Variants in CLCC1 observed in about 807,000 individuals in gnomAD.
CLCC1 encodes the protein chloride channel CLIC like 1, also known as chloride channel CLIC-like protein 1.
CLCC1 carries 39 observed loss-of-function variants against 63.3 expected under a neutral mutation model. That is an observed-to-expected ratio of 0.62 (90% CI 0.48 to 0.81). The LOEUF (loss-of-function observed/expected upper bound fraction) is 0.81. Among genes scored for constraint, CLCC1 ranks in the 30% least tolerant of loss-of-function variants. CLCC1 has a pLI of 0.00. For missense variants in CLCC1, 549 were observed against 669.4 expected, an observed-to-expected ratio of 0.82 and a Z score of 1.98; for synonymous variants, 217 against 239.8, an observed-to-expected ratio of 0.90 and a Z score of 0.88.
chr1:108,952,685 A>G (rs1655365933), intron 2 of CLCC1, among the ~76,000 whole-genome samples: 1 of 151,976 alleles, frequency 6.6e-6, no homozygotes, highest in South Asian at 2.1e-4. Flanking sequence ...CTGTAATCCC[A>G]GCTACTCAGA....
At position 108,939,795 on chromosome 1, in the gene CLCC1, A is replaced by G. The variant is rs1653594488; in HGVS notation, c.895-13T>C. The G allele has an allele frequency of 1.9e-6, 3 of 1,611,570 alleles. No homozygotes were observed. The highest frequency in any genetic ancestry group is 1.1e-5 in the South Asian group (1 of 90,796). ...TAACTGCAAGTGCCTAAAACGAGAGAAAAGCAACTTAATTTTCTCCTCACA... is the reference window on the plus strand; with the variant it reads ...TAACTGCAAGTGCCTAAAACGAGAGGAAAGCAACTTAATTTTCTCCTCACA... On this transcript the variant is annotated splice_polypyrimidine_tract_variant and intron_variant, in intron 9 of 12. Coordinates refer to ENST00000369969, the MANE Select transcript of CLCC1 (RefSeq NM_001377458.1).
intron 2 of CLCC1, among the ~76,000 whole-genome samples, chr1:108,956,429 A>G (rs1020280059): frequency 3.3e-5 from 5 of 151,392 alleles, no homozygotes; most frequent in Admixed American, 2.6e-4. Context: ...TGGGAGGCTG[A>G]GGCAGGCGGA....
In CLCC1 at chr1:108,929,630, T is replaced by C; in HGVS notation, c.*2917A>G. The C allele has an allele frequency of 7.0e-7, 1 of 1,427,444 alleles. No individual in the cohort carries two copies. Among genetic ancestry groups the C allele is most frequent in the East Asian group, 2.3e-5 (1 of 43,966 alleles). 88.4% of individuals were successfully genotyped at this position (1,427,444 alleles called of 1,614,324 possible). ...TACAACTGCGTTTTCTTGTTGTGAC[T>C]GAGAGATTTAACATAGCTTGGTGCT... On this transcript the variant is annotated 3_prime_UTR_variant, in exon 13 of 13. Coordinates refer to ENST00000369969, the MANE Select transcript of CLCC1 (RefSeq NM_001377458.1).
Position 108,957,267 on chromosome 1 carries a change from T to C in CLCC1, c.-12+5042A>G, listed in dbSNP as rs1656039983. ...AATGATGACTGTATGTCTCAGCCTC[T>C]CTGTGAAGTATGGCCACGTAATAGT... On this transcript the variant is annotated intron_variant, in intron 2 of 12. Transcript: ENST00000369969. Among the ~76,000 whole-genome samples, 2 of 151,504 alleles carry C rather than the reference T, an allele frequency of 1.3e-5. 1 individual carries two copies. The highest frequency in any genetic ancestry group is 4.9e-5 in the African/African-American group (2 of 40,748).
intron 11 of CLCC1, among the ~76,000 whole-genome samples, chr1:108,935,969 C>A (rs189263): frequency 6.6e-6 from 1 of 151,788 alleles, no homozygotes; most frequent in African/African-American, 2.4e-5. Flanking sequence ...AAGGAGGCTT[C>A]CAGGCCATTG....
At chr1:108,941,613 T>C (rs1653850867) in intron 7 of CLCC1, 115 bp from the exon 8 acceptor site, 1 of 520,826 alleles carries the variant, frequency 1.9e-6, no homozygotes, top group South Asian at 4.3e-5. Flanking sequence ...ACCAGACTGT[T>C]ATAAATTTTT....
rs1291881502 is a variant in CLCC1, at chr1:108,931,648, T to A, written c.*899A>T. 20 of 891,620 alleles carry A rather than the reference T, an allele frequency of 2.2e-5. No individual in the cohort carries two copies. The highest frequency in any genetic ancestry group is 2.9e-5 in the Non-Finnish European group (18 of 621,976). The allele number at this position is 891,620 out of a possible 1,614,324, so 55.2% of individuals were successfully genotyped here. A position where few individuals can be genotyped will look rare whatever the true frequency, so the allele number is the denominator to read the frequency against. Reference sequence around the variant, plus strand: ...TCAGCTAAAAAAAAAAAAAAAGTTCTAAATTACAACCTGGATTACATTATG... The same window carrying A: ...TCAGCTAAAAAAAAAAAAAAAGTTCAAAATTACAACCTGGATTACATTATG... On this transcript the variant is annotated 3_prime_UTR_variant, in exon 13 of 13. Coordinates refer to ENST00000369969, the MANE Select transcript of CLCC1 (RefSeq NM_001377458.1).
At chr1:108,957,621 G>A (rs114508355) in intron 2 of CLCC1, among the ~76,000 whole-genome samples, 4 of 151,482 alleles carry the variant, frequency 2.6e-5, no homozygotes, top group Non-Finnish European at 5.9e-5. Flanking sequence ...TTTGGATGTC[G>A]GTAAGGACAA....
chr1:108,962,746 C>T (rs907666543), intron 1 of CLCC1, among the ~76,000 whole-genome samples: 1 of 152,036 alleles, frequency 6.6e-6, no homozygotes, highest in African/African-American at 2.4e-5. Flanking sequence ...TGGCGCGCAC[C>T]TGTGGTCCCA....
At chr1:108,954,817 C>CATGT (rs759952208) in intron 2 of CLCC1, among the ~76,000 whole-genome samples, 1 of 140,520 alleles carries the variant, frequency 7.1e-6, no homozygotes, top group African/African-American at 2.8e-5. Context: ...ACTGTCTTTG[C>CATGT]GTGTGTGTGT....
rs377235086 is a variant in CLCC1 at position 108,939,589 on chromosome 1, G to A, written c.1041+47C>T. Reference sequence around the variant, plus strand: ...CTCCCAAAGTGCTGGGATTACAGGCGTGAGCCACCGCGCCTGGCCCGACAG... The same window carrying A: ...CTCCCAAAGTGCTGGGATTACAGGCATGAGCCACCGCGCCTGGCCCGACAG... On this transcript the variant is annotated intron_variant, in intron 10 of 12. Transcript: ENST00000369969. The A allele has an allele frequency of 2.4e-5, 38 of 1,574,468 alleles. No individual in the cohort carries two copies. In the South Asian group the frequency reaches 2.5e-4, roughly 10 times the overall value.
chr1:108,953,505 T>C (rs1485185922), intron 2 of CLCC1, among the ~76,000 whole-genome samples: 3 of 152,244 alleles, frequency 2.0e-5, no homozygotes, highest in Non-Finnish European at 4.4e-5. Flanking sequence ...AAAACCACTG[T>C]TAATGTGAAC....
intron 2 of CLCC1, among the ~76,000 whole-genome samples, chr1:108,954,489 A>G (rs142311182): frequency 4.0e-5 from 6 of 151,032 alleles, no homozygotes; most frequent in Non-Finnish European, 7.4e-5. Context: ...GAAAGAGTAA[A>G]ACTCGGTCTC....
chr1:108,943,692 A>G (rs1654150624), intron 6 of CLCC1, 77 bp from the exon 7 acceptor site: 1 of 1,570,516 alleles, frequency 6.4e-7, no homozygotes, highest in African/African-American at 1.4e-5. Context: ...CAAAAGCACA[A>G]AATCATTTCT....
In CLCC1 at chr1:108,963,410, C is replaced by T. The variant is rs1173246664; in HGVS notation, c.-222G>A. The T allele has an allele frequency of 1.4e-6, 1 of 702,470 alleles. No homozygotes were observed. The highest frequency in any genetic ancestry group is 1.7e-5 in the African/African-American group (1 of 57,394). 43.5% of individuals were successfully genotyped at this position (702,470 alleles called of 1,614,324 possible). A position where few individuals can be genotyped will look rare whatever the true frequency, so the allele number is the denominator to read the frequency against. ...CGAGGAAGACACCTGCCCAGGCCGGCCGCAGAAGAGGTCGCACAGCTTGCC... is the reference window on the plus strand; with the variant it reads ...CGAGGAAGACACCTGCCCAGGCCGGTCGCAGAAGAGGTCGCACAGCTTGCC... On this transcript the variant is annotated 5_prime_UTR_variant, in exon 1 of 13. Coordinates refer to ENST00000369969, the MANE Select transcript of CLCC1 (RefSeq NM_001377458.1).
In CLCC1 at chr1:108,943,618, TA is replaced by T. The variant is rs3215062; in HGVS notation, c.562-4del. 0.47 allele frequency: 754,736 copies of T among 1,612,526 alleles called. 178,295 individuals carry two copies. Among genetic ancestry groups the T allele is most frequent in the African/African-American group, 0.6 (44,974 of 74,820 alleles). ...ATGCAGAGCAGACAAAGAAGTACCT[TA>T]AAACAGAGAGAAGCAGAAATCAGCC... On this transcript the variant is annotated splice_polypyrimidine_tract_variant and splice_region_variant and intron_variant, in intron 6 of 12. Coordinates refer to ENST00000369969, the MANE Select transcript of CLCC1 (RefSeq NM_001377458.1).
rs566983434 is a variant in CLCC1 at position 108,934,495 on chromosome 1, C to T, written c.*45+130G>A. The T allele has an allele frequency of 4.4e-5, 29 of 660,412 alleles. No homozygotes were observed. In the South Asian group the frequency reaches 5.6e-4, roughly 13 times the overall value. The allele number at this position is 660,412 out of a possible 1,614,324, so 40.9% of individuals were successfully genotyped here. ...AAATGAAAAGCTTTTACATATATAACGTGTTTGTTAATTCTAATTGTCAGT... is the reference window on the plus strand; with the variant it reads ...AAATGAAAAGCTTTTACATATATAATGTGTTTGTTAATTCTAATTGTCAGT... On this transcript the variant is annotated intron_variant, in intron 12 of 12. Coordinates refer to ENST00000369969, the MANE Select transcript of CLCC1 (RefSeq NM_001377458.1).
intron 2 of CLCC1, among the ~76,000 whole-genome samples, chr1:108,956,902 A>AGGCGGGGAGGCGGGGG (rs1553223056): frequency 1.6e-5 from 1 of 62,398 alleles, no homozygotes; most frequent in Non-Finnish European, 3.1e-5. Flanking sequence ...GGAGGCGGGG[A>AGGCGGGGAGGCGGGGG]GGCGGGGAGG....
In CLCC1 at chr1:108,934,840, G is replaced by C. The variant is rs151247614; in HGVS notation, c.1486C>G (p.Pro496Ala). Residue 496 changes from proline (P) to alanine (A), a missense_variant, in exon 12 of 13, where the codon CCT (proline) becomes GCT (alanine). Coordinates refer to ENST00000369969, the MANE Select transcript of CLCC1 (RefSeq NM_001377458.1). The part of the protein sequence containing the change: ...SSTESSQSAK[P>A]VSGQDTSGNT... ...CCTGATGTGTCTTGGCCAGAGACAG[G>C]CTTGGCCGACTGGCTGCTTTCAGTA... 2,661 of 1,614,212 alleles carry C rather than the reference G, an allele frequency of 1.6e-3. 1 individual carries two copies. The highest frequency in any genetic ancestry group is 2.1e-3 in the Non-Finnish European group (2,510 of 1,180,036).
Sources: gnomAD v4.1 joint callset for allele counts (sites outside exome capture counted in the v4.1 genomes callset) on GRCh38, gnomAD v4.1.1 for gene constraint, MANE v1.5 for transcripts, NCBI Gene and HGNC (gene_info 2026-07-23, HGNC 2026-07-21) for gene names.